CAPN13: variants seen among roughly 807,000 people sequenced by gnomAD.
CAPN13 encodes the protein calpain-13.
A neutral mutation model predicts 98.4 loss-of-function variants in CAPN13; 90 were observed. That is an observed-to-expected ratio of 0.92 (90% CI 0.77 to 1.09). The LOEUF is 1.09. Among genes scored for constraint, CAPN13 ranks in the 50% least tolerant of loss-of-function variants. The pLI is 0.00. For missense variants in CAPN13, 887 were observed against 841.3 expected (o/e 1.05, Z -0.67); for synonymous variants, 330 against 305.5 (o/e 1.08, Z -0.84).
intron 22 of CAPN13, among the ~76,000 whole-genome samples, chr2:30,723,596 T>C (rs893534851): frequency 6.6e-5 from 10 of 152,156 alleles, no homozygotes; most frequent in African/African-American, 2.4e-5. Context: ...TTAGAAGGGC[T>C]GAGGCCAGGG....
At chr2:30,791,031 T>C (rs1218085118) in intron 1 of CAPN13, among the ~76,000 whole-genome samples, 1 of 152,074 alleles carries the variant, frequency 6.6e-6, no homozygotes, top group Non-Finnish European at 1.5e-5. Flanking sequence ...TCATATGAAT[T>C]TGTTGGGGGA....
intron 22 of CAPN13, among the ~76,000 whole-genome samples, chr2:30,726,064 G>A (rs955064320): frequency 2.6e-5 from 4 of 152,162 alleles, no homozygotes; most frequent in African/African-American, 7.2e-5. Context: ...GATTTATTTC[G>A]GTTATTTGGG....
intron 18 of CAPN13, among the ~76,000 whole-genome samples, chr2:30,735,303 G>A (rs1671304399): frequency 6.6e-6 from 1 of 152,182 alleles, no homozygotes; most frequent in South Asian, 2.1e-4. Context: ...CTGAACTCAG[G>A]ACTCTAATTT....
chr2:30,757,153 G>A (rs535831849), intron 8 of CAPN13, among the ~76,000 whole-genome samples: 1 of 152,354 alleles, frequency 6.6e-6, no homozygotes, highest in African/African-American at 2.4e-5. Context: ...GGGCGATGAT[G>A]CAGCAGCTGC....
At chr2:30,780,892 T>G (rs1673953508) in intron 2 of CAPN13, among the ~76,000 whole-genome samples, 2 of 152,002 alleles carry the variant, frequency 1.3e-5, no homozygotes, top group African/African-American at 4.8e-5. Context: ...GCTGGGAAAA[T>G]GTGAATGTGC....
chr2:30,798,025 G>A (rs562332820), intron 1 of CAPN13, among the ~76,000 whole-genome samples: 128 of 152,318 alleles, frequency 8.4e-4, no homozygotes, highest in Middle Eastern at 3.4e-3. Flanking sequence ...CAGTTCAGAC[G>A]GTGGAAGGAG....
chr2:30,783,043 T>TG (rs1674073360), intron 2 of CAPN13, among the ~76,000 whole-genome samples: 1 of 152,184 alleles, frequency 6.6e-6, no homozygotes, highest in South Asian at 2.1e-4. Context: ...TTCTATTGGA[T>TG]GGTGCTGATC....
intron 4 of CAPN13, 121 bp downstream of exon 4, chr2:30,775,809 A>G (rs1309934041): frequency 5.8e-6 from 3 of 513,278 alleles, no homozygotes; most frequent in African/African-American, 3.9e-5. Context: ...TAGGGAGGGT[A>G]ACTAACACAA....
intron 1 of CAPN13, among the ~76,000 whole-genome samples, chr2:30,802,509 CTAAG>C (rs1004412022): frequency 2.0e-4 from 27 of 136,736 alleles, no homozygotes; most frequent in African/African-American, 7.3e-4. Flanking sequence ...GTAAACGTGT[CTAAG>C]TGAGTGAGTG....
chr2:30,747,115 T>A (rs979377079), intron 11 of CAPN13, among the ~76,000 whole-genome samples: 2 of 152,222 alleles, frequency 1.3e-5, no homozygotes, highest in East Asian at 1.9e-4. Flanking sequence ...AATGGGGAGA[T>A]ACCCATGTTC....
In CAPN13 at chr2:30,758,044, A is replaced by G. The variant is rs779512671; in HGVS notation, c.866+2T>C. ...ATGGAGAGAGGTTTCCAGAAGCCATACCCATCACTCCAGCGCCCTCTCCAT... is the reference window on the plus strand; with the variant it reads ...ATGGAGAGAGGTTTCCAGAAGCCATGCCCATCACTCCAGCGCCCTCTCCAT... On this transcript the variant is annotated splice_donor_variant, in intron 8 of 22. Coordinates refer to ENST00000295055, the MANE Select transcript of CAPN13 (RefSeq NM_144575.3). LOFTEE classifies it high-confidence loss of function. The G allele has an allele frequency of 1.9e-6, 3 of 1,602,360 alleles. No homozygotes were observed. Among genetic ancestry groups the G allele is most frequent in the Admixed American group, 1.7e-5 (1 of 57,464 alleles).
Position 30,763,152 on chromosome 2 carries a change from G to C in CAPN13, c.704C>G (p.Thr235Arg), listed in dbSNP as rs892479510. Residue 235 changes from threonine (T) to arginine (R), a missense_variant, in exon 7 of 23, where the codon ACA becomes AGA. Transcript: ENST00000295055. ...ATTCTCCATCGCCTGTGCTGTATCT[G>C]TTGGCTTCAAGGCAGAAAAGCAGAT... The part of the protein sequence containing the change: ...LITCATPSGP[T>R]DTAQAMENGL... 7 of 1,610,520 alleles carry C rather than the reference G, an allele frequency of 4.3e-6. No homozygotes were observed. The African/African-American group carries it at 8.0e-5, about 18-fold the overall frequency.
intron 5 of CAPN13, among the ~76,000 whole-genome samples, chr2:30,767,723 T>C (rs73922696): frequency 0.024 from 3,590 of 152,270 alleles, 131 homozygotes; most frequent in African/African-American, 0.081. Flanking sequence ...AATTTAGTTT[T>C]TCACAAGTTT....
At chr2:30,727,430 T>C (rs1670894758) in intron 22 of CAPN13, among the ~76,000 whole-genome samples, 1 of 152,160 alleles carries the variant, frequency 6.6e-6, no homozygotes, top group South Asian at 2.1e-4. Flanking sequence ...GGAATTCGTA[T>C]CTACAATATA....
intron 1 of CAPN13, among the ~76,000 whole-genome samples, chr2:30,804,721 T>C (rs1251105062): frequency 6.6e-6 from 1 of 152,186 alleles, no homozygotes; most frequent in Non-Finnish European, 1.5e-5. Flanking sequence ...ATCTTTTGCA[T>C]GGCCGTGGAC....
At chr2:30,731,250 T>A in intron 21 of CAPN13, 94 bp downstream of exon 21, 1 of 1,174,160 alleles carries the variant, frequency 8.5e-7, no homozygotes, top group Non-Finnish European at 1.2e-6. Context: ...TGACAGACCG[T>A]TCAATATCCT....
intron 15 of CAPN13, among the ~76,000 whole-genome samples, chr2:30,740,082 GTTTTTTTTTTTTTT>G (rs143581068): frequency 1.4e-3 from 166 of 121,436 alleles, no homozygotes; most frequent in Non-Finnish European, 2.2e-3. Context: ...ATTGTATTAG[GTTTTTTTTTTTTTT>G]TTTTTTTTTT....
intron 2 of CAPN13, among the ~76,000 whole-genome samples, chr2:30,783,355 C>A (rs1256511412): frequency 6.6e-6 from 1 of 152,218 alleles, no homozygotes; most frequent in East Asian, 1.9e-4. Flanking sequence ...TTGCACAGGG[C>A]ACCATCATGG....
In CAPN13 at chr2:30,757,316, G is replaced by C. The variant is rs559179736; in HGVS notation, c.866+730C>G. ...TTTCATAGTCAGCAAGGGGCTGGGG[G>C]CCTAGGGGTCCACCCCTCTGGCAGC... On this transcript the variant is annotated intron_variant, in intron 8 of 22. Coordinates refer to ENST00000295055, the MANE Select transcript of CAPN13 (RefSeq NM_144575.3). Among the ~76,000 whole-genome samples, 4 of 152,288 alleles carry C rather than the reference G, an allele frequency of 2.6e-5. No homozygotes were observed. The South Asian group carries it at 8.3e-4, about 32-fold the overall frequency.
Sources: allele counts gnomAD v4.1 joint callset (sites outside exome capture counted in the v4.1 genomes callset), GRCh38; gene constraint gnomAD v4.1.1; transcripts MANE v1.5; gene names NCBI Gene and HGNC (gene_info 2026-07-23, HGNC 2026-07-21).